Variants in FKBP10 observed in about 807,000 individuals in gnomAD.
FKBP10 encodes peptidyl-prolyl cis-trans isomerase FKBP10.
A neutral mutation model predicts 53.7 loss-of-function variants in FKBP10; 34 were observed. That is an observed-to-expected ratio of 0.63 (90% CI 0.48 to 0.84). The LOEUF (loss-of-function observed/expected upper bound fraction) is 0.84. FKBP10 is among the 40% of genes least tolerant of loss of function. The probability of loss-of-function intolerance (pLI) is 0.00; values close to 1 mark genes in which losing one functional copy is unlikely to be tolerated. For synonymous variants in FKBP10, 324 were observed against 335.7 expected, an observed-to-expected ratio of 0.97 and a Z score of 0.38; for missense variants, 748 against 797.8, an observed-to-expected ratio of 0.94 and a Z score of 0.75.
intron 1 of FKBP10, among the ~76,000 whole-genome samples, chr17:41,814,316 G>A (rs1315603702): frequency 6.6e-6 from 1 of 152,210 alleles, no homozygotes; most frequent in Non-Finnish European, 1.5e-5. Context: ...CATGGACAGA[G>A]AATTTTGTCT....
chr17:41,818,799 CA>C, intron 4 of FKBP10: 3 of 450,838 alleles, frequency 6.7e-6, no homozygotes, highest in Non-Finnish European at 1.2e-5. Flanking sequence ...ACTAAAAATA[CA>C]AAAAAATTAG....
At position 41,813,184 on chromosome 17, in the gene FKBP10, C is replaced by A; in HGVS notation, c.150C>A (p.His50Gln). The change falls in exon 1 of 10, where the codon CAC (histidine) becomes CAA (glutamine). Residue 50 changes from histidine (H) to glutamine (Q), a missense_variant. Coordinates refer to ENST00000321562, the MANE Select transcript of FKBP10 (RefSeq NM_021939.4). ...PLEDVVIERY[H>Q]IPRACPREVQ... ...AAGATGTGGTCATCGAGAGGTACCACATCCCCAGGGCCTGTCCCCGGGAAG... is the reference window on the plus strand; with the variant it reads ...AAGATGTGGTCATCGAGAGGTACCAAATCCCCAGGGCCTGTCCCCGGGAAG... 1 of 1,613,154 alleles carries A rather than the reference C, an allele frequency of 6.2e-7. No homozygotes were observed. The highest frequency in any genetic ancestry group is 8.5e-7 in the Non-Finnish European group (1 of 1,179,970).
Position 41,818,411 on chromosome 17 carries a change from A to G in FKBP10, c.611A>G (p.Tyr204Cys). The G allele has an allele frequency of 6.2e-7, 1 of 1,614,146 alleles. No homozygotes were observed. Residue 204 changes from tyrosine to cysteine, a missense_variant, in exon 4 of 10, where the codon TAC becomes TGC. By Grantham distance (194) the Tyr-to-Cys change is radical. Transcript: ENST00000321562. ...AGTAAGGGCGGCACTTATGACACCT[A>G]CGTCGGCTCTGGTTGGCTGATCAAG... ...SYSKGGTYDT[Y>C]VGSGWLIKGM... is the part of the protein sequence containing the mutation.
intron 3 of FKBP10, 31 bp downstream of exon 3, chr17:41,818,309 T>C (rs1296269061): frequency 2.5e-6 from 4 of 1,613,936 alleles, no homozygotes; most frequent in Non-Finnish European, 3.4e-6. Flanking sequence ...CCTGAGGCAC[T>C]GGGGACTGTG....
chr17:41,821,533 T>A (rs2047890930), intron 8 of FKBP10, 121 bp from the exon 9 acceptor site: 2 of 1,241,086 alleles, frequency 1.6e-6, no homozygotes, highest in Non-Finnish European at 2.2e-6. Flanking sequence ...AAACATCCCA[T>A]GCCCCACTCT....
chr17:41,819,819 C>G, intron 6 of FKBP10, 144 bp downstream of exon 6: 1 of 1,537,612 alleles, frequency 6.5e-7, no homozygotes, highest in African/African-American at 1.4e-5. Flanking sequence ...TCTGGTCACC[C>G]CATCTGATTC....
At chr17:41,817,258 G>A in intron 2 of FKBP10, 55 bp downstream of exon 2, 1 of 1,599,248 alleles carries the variant, frequency 6.3e-7, no homozygotes, top group Non-Finnish European at 8.5e-7. Flanking sequence ...GGCAGAATCA[G>A]GGATCCTGGG....
intron 6 of FKBP10, 53 bp from the exon 7 acceptor site, chr17:41,820,216 A>G: frequency 1.8e-5 from 29 of 1,581,876 alleles, no homozygotes; most frequent in Middle Eastern, 1.7e-4. Flanking sequence ...AGAGACCTCA[A>G]GTAGCCTCTC....
At chr17:41,815,724 G>A (rs2047807325) in intron 1 of FKBP10, among the ~76,000 whole-genome samples, 1 of 151,332 alleles carries the variant, frequency 6.6e-6, no homozygotes, top group Admixed American at 6.6e-5. Flanking sequence ...CAAAGTGCTG[G>A]GATTACAGGC....
chr17:41,819,571 GT>G lies in FKBP10; in HGVS notation c.961del (p.Tyr321ThrfsTer44). 6.2e-7 allele frequency: 1 copy of G among 1,614,114 alleles called. No homozygotes were observed. The highest frequency in any genetic ancestry group is 8.5e-7 in the Non-Finnish European group (1 of 1,180,010). On this transcript the variant is annotated frameshift_variant, in exon 6 of 10. Coordinates refer to ENST00000321562, the MANE Select transcript of FKBP10 (RefSeq NM_021939.4). LOFTEE classifies it high-confidence loss of function. ...ACCTACAATACCTATATCGGGCAGGGTTACATCATCCCCGGGATGGACCAGG... is the reference window on the plus strand; with the variant it reads ...ACCTACAATACCTATATCGGGCAGGGTACATCATCCCCGGGATGGACCAGG... Reference protein sequence around the residue: ...NHTYNTYIGQGYIIPGMDQGL... With the variant: ...NHTYNTYIGQXYIIPGMDQGL...
rs146790411 is a variant in FKBP10 at position 41,814,556 on chromosome 17, A to T, written c.245+1277A>T. ...ATGCAGAGCTTAAGCCTTCATAACA[A>T]CACTGAGAAGGAAACAGTCCAGACT... On this transcript the variant is annotated intron_variant, in intron 1 of 9. Coordinates refer to ENST00000321562, the MANE Select transcript of FKBP10 (RefSeq NM_021939.4). 4.8e-3 allele frequency among the ~76,000 whole-genome samples: 735 copies of T among 152,298 alleles called. 11 individuals carry two copies. The highest frequency in any genetic ancestry group is 0.019 in the South Asian group (90 of 4,826).
chr17:41,820,707 A>AG (rs1214483844), intron 7 of FKBP10: 8 of 672,580 alleles, frequency 1.2e-5, no homozygotes, highest in Non-Finnish European at 2.0e-5. Flanking sequence ...TATTTCACAG[A>AG]GGGGAAACTG....
rs782638955 is a variant in FKBP10, at chr17:41,819,307, C to A, written c.825C>A (p.Leu275=). ...CTGTCCAGCTAGAGACGCTGGAGCTCCCCCCCGGCTGTGTCCGCAGAGCCG... is the reference window on the plus strand; with the variant it reads ...CTGTCCAGCTAGAGACGCTGGAGCTACCCCCCGGCTGTGTCCGCAGAGCCG... The part of the protein sequence containing the change: ...KDAVQLETLE[L]PPGCVRRAGA... Residue 275 remains leucine (L), a synonymous_variant, in exon 5 of 10, where the codon CTC becomes CTA. Transcript: ENST00000321562. 14 of 1,613,178 alleles carry A rather than the reference C, an allele frequency of 8.7e-6. 1 individual carries two copies. In the Middle Eastern group the frequency reaches 4.9e-4, roughly 57 times the overall value.
intron 8 of FKBP10, 74 bp downstream of exon 8, chr17:41,821,163 C>T (rs1365141471): frequency 9.4e-6 from 14 of 1,492,298 alleles, no homozygotes; most frequent in Non-Finnish European, 1.2e-5. Flanking sequence ...GACTCTGTCA[C>T]CCAGGCTGGA....
At chr17:41,822,143 A>G (rs2144070617) in intron 9 of FKBP10, 80 bp from the exon 10 acceptor site, 1 of 1,343,824 alleles carries the variant, frequency 7.4e-7, no homozygotes, top group Non-Finnish European at 1.0e-6. Flanking sequence ...GAAAGCACTC[A>G]CTGGCCTCCA....
chr17:41,822,279 G>C lies in FKBP10; in HGVS notation c.1620G>C (p.Gly540=), dbSNP rs1597910967. 6.2e-7 allele frequency: 1 copy of C among 1,613,876 alleles called. No individual in the cohort carries two copies. The highest frequency in any genetic ancestry group is 1.3e-5 in the African/African-American group (1 of 75,060). The change falls in exon 10 of 10, where the codon GGG becomes GGC. Residue 540 remains glycine (G), a synonymous_variant. Coordinates refer to ENST00000321562, the MANE Select transcript of FKBP10 (RefSeq NM_021939.4). The part of the protein sequence containing the change: ...VSEGKGRLMP[G]QDPEKTIGDM... ...AGGGCAAAGGACGCCTCATGCCTGG[G>C]CAGGACCCTGAGAAAACCATAGGAG... is the stretch of plus-strand genomic sequence containing the variant.
intron 1 of FKBP10, among the ~76,000 whole-genome samples, chr17:41,815,383 T>A (rs1294199717): frequency 6.6e-6 from 1 of 152,130 alleles, no homozygotes; most frequent in South Asian, 2.1e-4. Flanking sequence ...GGTCACAAAC[T>A]TCTGAGCTCA....
Position 41,818,396 on chromosome 17 carries a change from G to A in FKBP10, c.596G>A (p.Gly199Asp). Residue 199 changes from glycine to aspartate, a missense_variant, in exon 4 of 10, where the codon GGC (glycine) becomes GAC (aspartate). By Grantham distance (94) the Gly-to-Asp change is moderately conservative. Transcript: ENST00000321562. Reference sequence around the variant, plus strand: ...ATTTTCTGCAGCTACAGTAAGGGCGGCACTTATGACACCTACGTCGGCTCT... The same window carrying A: ...ATTTTCTGCAGCTACAGTAAGGGCGACACTTATGACACCTACGTCGGCTCT... Reference protein sequence around the residue: ...TSFDTSYSKGGTYDTYVGSGW... With the variant: ...TSFDTSYSKGDTYDTYVGSGW... 6.2e-7 allele frequency: 1 copy of A among 1,614,180 alleles called. No homozygotes were observed. The highest frequency in any genetic ancestry group is 1.7e-5 in the Admixed American group (1 of 60,008).
Position 41,822,564 on chromosome 17 carries a change from A to T in FKBP10, c.*156A>T. ...CAGAGGAGACATCTCTGGTGTTCCC[A>T]CCACCCTAGATGAAAATCCACAGCA... is the stretch of plus-strand genomic sequence containing the variant. On this transcript the variant is annotated 3_prime_UTR_variant, in exon 10 of 10. Coordinates refer to ENST00000321562, the MANE Select transcript of FKBP10 (RefSeq NM_021939.4). The T allele has an allele frequency of 1.3e-6, 1 of 789,726 alleles. No individual in the cohort carries two copies. The highest frequency in any genetic ancestry group is 2.1e-6 in the Non-Finnish European group (1 of 474,652). 48.9% of individuals were successfully genotyped at this position (789,726 alleles called of 1,614,324 possible). A position where few individuals can be genotyped will look rare whatever the true frequency, so the allele number is the denominator to read the frequency against.
Sources: gnomAD v4.1 joint callset for allele counts (sites outside exome capture counted in the v4.1 genomes callset) on GRCh38, gnomAD v4.1.1 for gene constraint, MANE v1.5 for transcripts, NCBI Gene and HGNC (gene_info 2026-07-23, HGNC 2026-07-21) for gene names.